R3HCC1L: variants seen among roughly 807,000 people sequenced by gnomAD.
R3HCC1L encodes the protein R3H domain and coiled-coil containing 1 like, also known as coiled-coil domain-containing protein R3HCC1L.
In R3HCC1L, 51 loss-of-function variants were observed where a neutral mutation model predicts 59.9. The ratio of observed to expected loss-of-function variants is 0.85; its 90% CI spans 0.68 to 1.07. The LOEUF (loss-of-function observed/expected upper bound fraction) is 1.07, where lower values mean the gene tolerates loss of function less well. Ranked by LOEUF, R3HCC1L falls within the 50% of genes least tolerant of loss-of-function variation. The pLI is 0.00. For missense variants in R3HCC1L, 965 were observed against 933.0 expected, an observed-to-expected ratio of 1.03 and a Z score of -0.45; for synonymous variants, 322 against 315.2, an observed-to-expected ratio of 1.02 and a Z score of -0.23.
chr10:98,171,737 A>T (rs1056299010), intron 4 of R3HCC1L, among the ~76,000 whole-genome samples: 1 of 152,228 alleles, frequency 6.6e-6, no homozygotes, highest in African/African-American at 2.4e-5. Context: ...AGCTGGAGTC[A>T]GAATCCATTT....
intron 6 of R3HCC1L, among the ~76,000 whole-genome samples, chr10:98,233,971 A>G (rs1378504624): frequency 2.6e-5 from 4 of 152,186 alleles, no homozygotes; most frequent in Non-Finnish European, 2.9e-5. Context: ...CATCTTCAGT[A>G]TAATCTCCCC....
At chr10:98,181,113 GC>G (rs1418672742) in intron 4 of R3HCC1L, among the ~76,000 whole-genome samples, 1 of 152,160 alleles carries the variant, frequency 6.6e-6, no homozygotes, top group Non-Finnish European at 1.5e-5. Context: ...TGGTTATTTT[GC>G]CTGTTAGTTG....
intron 4 of R3HCC1L, chr10:98,174,576 A>G: frequency 2.1e-6 from 2 of 974,936 alleles, no homozygotes; most frequent in Non-Finnish European, 2.4e-6. Flanking sequence ...TATAACAACA[A>G]TGAGATGTCT....
In R3HCC1L at chr10:98,208,256, A is replaced by G. The variant is rs1289383886; in HGVS notation, c.142A>G (p.Lys48Glu). Residue 48 changes from lysine to glutamate, a missense_variant, in exon 5 of 10, where the codon AAA (lysine) becomes GAA (glutamate). By Grantham distance (56) the Lys-to-Glu change is moderately conservative (BLOSUM62 1). Transcript: ENST00000298999. ...ESCGSPNSVV[K>E]EKQKESSLSQ... ...CTGTGGTTCACCTAACTCTGTGGTG[A>G]AAGAAAAGCAAAAAGAAAGTTCTCT... The G allele has an allele frequency of 1.2e-6, 2 of 1,614,022 alleles. No homozygotes were observed. The highest frequency in any genetic ancestry group is 1.7e-6 in the Non-Finnish European group (2 of 1,180,030).
At chr10:98,161,455 C>T (rs1847411347) in intron 2 of R3HCC1L, among the ~76,000 whole-genome samples, 1 of 151,866 alleles carries the variant, frequency 6.6e-6, no homozygotes, top group Admixed American at 6.6e-5. Context: ...TATTTTCTCC[C>T]AGTTTGTAGT....
At chr10:98,220,474 C>G (rs1487087901) in intron 5 of R3HCC1L, among the ~76,000 whole-genome samples, 2 of 147,964 alleles carry the variant, frequency 1.4e-5, no homozygotes, top group Admixed American at 6.8e-5. Flanking sequence ...CATGCTGGTG[C>G]ACTGCACCCA....
In R3HCC1L at chr10:98,226,793, C is replaced by T. The variant is rs114626965; in HGVS notation, c.1786-4719C>T. Among the ~76,000 whole-genome samples the T allele has an allele frequency of 3.9e-3, 588 of 152,328 alleles. 5 individuals carry two copies. Among genetic ancestry groups the T allele is most frequent in the African/African-American group, 0.013 (528 of 41,582 alleles). On this transcript the variant is annotated intron_variant, in intron 5 of 9. Transcript: ENST00000298999. Reference sequence around the variant, plus strand: ...ACTGTTAACACTAATCTACTCTAGACGTTTAAGAATTTATTAAAGTTTAAC... The same window carrying T: ...ACTGTTAACACTAATCTACTCTAGATGTTTAAGAATTTATTAAAGTTTAAC...
At chr10:98,241,433 C>T (rs1023125569) in intron 9 of R3HCC1L, among the ~76,000 whole-genome samples, 7 of 152,128 alleles carry the variant, frequency 4.6e-5, no homozygotes, top group African/African-American at 1.7e-4. Context: ...TTAATATAGT[C>T]ATTTCTGTTG....
chr10:98,185,318 C>A (rs777843229), intron 4 of R3HCC1L, among the ~76,000 whole-genome samples: 41 of 152,102 alleles, frequency 2.7e-4, no homozygotes, highest in Non-Finnish European at 5.9e-4. Flanking sequence ...ATAATACTTT[C>A]TCTAATGAGC....
At chr10:98,207,393 G>A (rs1047087692) in intron 4 of R3HCC1L, among the ~76,000 whole-genome samples, 2 of 152,070 alleles carry the variant, frequency 1.3e-5, no homozygotes, top group African/African-American at 4.8e-5. Flanking sequence ...AGGTTGTCAG[G>A]GAGTTACTAG....
chr10:98,200,596 T>C (rs988564977), intron 4 of R3HCC1L, among the ~76,000 whole-genome samples: 3 of 152,116 alleles, frequency 2.0e-5, no homozygotes, highest in Admixed American at 1.3e-4. Flanking sequence ...TTTTGTAGTA[T>C]AGAATCTGGC....
At chr10:98,217,938 A>G (rs1326832393) in intron 5 of R3HCC1L, among the ~76,000 whole-genome samples, 3 of 152,048 alleles carry the variant, frequency 2.0e-5, no homozygotes, top group East Asian at 3.9e-4. Context: ...AGATTTTTCT[A>G]TAAGATCATT....
At chr10:98,191,975 C>T (rs549329597) in intron 4 of R3HCC1L, among the ~76,000 whole-genome samples, 2 of 152,070 alleles carry the variant, frequency 1.3e-5, no homozygotes, top group Admixed American at 1.3e-4. Flanking sequence ...CAGGCACCCG[C>T]CACCACGCCT....
At chr10:98,202,190 G>GA (rs1179366514) in intron 4 of R3HCC1L, among the ~76,000 whole-genome samples, 1 of 152,124 alleles carries the variant, frequency 6.6e-6, no homozygotes, top group African/African-American at 2.4e-5. Flanking sequence ...CCTCAAGTTG[G>GA]AAAATCATCT....
At chr10:98,195,445 C>CT (rs769750323) in intron 4 of R3HCC1L, among the ~76,000 whole-genome samples, 1,416 of 141,042 alleles carry the variant, frequency 0.01, 21 homozygotes, top group African/African-American at 0.023. Flanking sequence ...AATTTATGTT[C>CT]TTTTTTTTTT....
At chr10:98,158,941 G>T (rs1270428155) in intron 2 of R3HCC1L, among the ~76,000 whole-genome samples, 1 of 151,578 alleles carries the variant, frequency 6.6e-6, no homozygotes, top group African/African-American at 2.4e-5. Context: ...TGAGTAGCTG[G>T]CACTACAGGC....
intron 4 of R3HCC1L, among the ~76,000 whole-genome samples, chr10:98,184,650 G>A (rs896969260): frequency 6.6e-6 from 1 of 152,172 alleles, no homozygotes; most frequent in Admixed American, 6.5e-5. Flanking sequence ...TGTTGTTTGA[G>A]GCTTGCTAGC....
intron 4 of R3HCC1L, 61 bp downstream of exon 4, chr10:98,163,458 G>A: frequency 1.9e-6 from 2 of 1,064,100 alleles, no homozygotes. Flanking sequence ...CTAAAGATTT[G>A]TTTGCTTGTA....
chr10:98,205,594 A>G (rs1380797372), intron 4 of R3HCC1L, among the ~76,000 whole-genome samples: 1 of 152,228 alleles, frequency 6.6e-6, no homozygotes, highest in Non-Finnish European at 1.5e-5. Flanking sequence ...ACACTTGGAA[A>G]GCTGATTGCT....
Sources: allele counts gnomAD v4.1 joint callset (sites outside exome capture counted in the v4.1 genomes callset), GRCh38; gene constraint gnomAD v4.1.1; transcripts MANE v1.5; gene names NCBI Gene and HGNC (gene_info 2026-07-23, HGNC 2026-07-21).